SAMD12: variants seen among roughly 807,000 people sequenced by gnomAD.
The protein encoded by SAMD12 is sterile alpha motif domain-containing protein 12.
Under a neutral mutation model 15.0 loss-of-function variants are expected in SAMD12, and 9 were observed. The observed-to-expected ratio is 0.60, with a 90% confidence interval of 0.36 to 1.05. The LOEUF (loss-of-function observed/expected upper bound fraction) is 1.05, where lower values mean the gene tolerates loss of function less well. SAMD12 is among the 50% of genes least tolerant of loss of function. SAMD12 has a pLI of 0.01. For missense variants in SAMD12, 230 were observed against 234.2 expected (o/e 0.98, Z 0.12); for synonymous variants, 86 against 90.1 (o/e 0.96, Z 0.25).
chr8:118,338,895 A>T (rs1817212104), intron 4 of SAMD12, among the ~76,000 whole-genome samples: 1 of 152,232 alleles, frequency 6.6e-6, no homozygotes, highest in Non-Finnish European at 1.5e-5. Flanking sequence ...AACACTCCGT[A>T]AAATGTTGAT....
chr8:118,320,011 TA>T (rs1816148500), intron 4 of SAMD12, among the ~76,000 whole-genome samples: 1 of 152,114 alleles, frequency 6.6e-6, no homozygotes, highest in Admixed American at 6.6e-5. Flanking sequence ...TCATTACTTT[TA>T]AAAGAGAGAT....
intron 2 of SAMD12, among the ~76,000 whole-genome samples, chr8:118,558,130 A>C (rs904138688): frequency 6.6e-6 from 1 of 152,196 alleles, no homozygotes; most frequent in Non-Finnish European, 1.5e-5. Context: ...TATCTACGCA[A>C]GTGGGATCTC....
At chr8:118,394,131 C>T (rs192925961) in intron 3 of SAMD12, among the ~76,000 whole-genome samples, 16 of 152,320 alleles carry the variant, frequency 1.1e-4, no homozygotes, top group Admixed American at 3.3e-4. Context: ...GTTCCCTTTG[C>T]TCCTTAAAGA....
chr8:118,252,750 G>C (rs1812848775), intron 4 of SAMD12, among the ~76,000 whole-genome samples: 2 of 152,058 alleles, frequency 1.3e-5, no homozygotes, highest in South Asian at 4.2e-4. Context: ...GCCTATTATG[G>C]GCAGTGAGTG....
At chr8:118,567,362 T>C (rs1826880312) in intron 2 of SAMD12, among the ~76,000 whole-genome samples, 1 of 152,100 alleles carries the variant, frequency 6.6e-6, no homozygotes, top group Non-Finnish European at 1.5e-5. Context: ...CTGTCATCCA[T>C]GTGTTCTAGT....
chr8:118,600,883 G>A (rs978464622), intron 1 of SAMD12, among the ~76,000 whole-genome samples: 1 of 151,904 alleles, frequency 6.6e-6, no homozygotes, highest in Non-Finnish European at 1.5e-5. Flanking sequence ...TGAACAATGT[G>A]TTATGTTAAA....
chr8:118,474,390 T>G (rs1254174266), intron 2 of SAMD12, among the ~76,000 whole-genome samples: 1 of 151,746 alleles, frequency 6.6e-6, no homozygotes, highest in African/African-American at 2.4e-5. Flanking sequence ...AAAACAATTT[T>G]TTTTGTTTTG....
intron 2 of SAMD12, among the ~76,000 whole-genome samples, chr8:118,542,333 C>A (rs1826008515): frequency 6.6e-6 from 1 of 152,034 alleles, no homozygotes; most frequent in African/African-American, 2.4e-5. Context: ...ATTAATTTTC[C>A]AAATAGTATT....
the SAMD12 span, among the ~76,000 whole-genome samples, chr8:118,132,229 C>A: frequency 6.6e-5 from 10 of 152,180 alleles, no homozygotes; most frequent in African/African-American, 2.2e-4. Context: ...TTTACTCAAG[C>A]AATTCCCCTG....
intron 2 of SAMD12, among the ~76,000 whole-genome samples, chr8:118,505,699 G>A (rs1188570765): frequency 5.9e-5 from 9 of 151,652 alleles, no homozygotes; most frequent in Middle Eastern, 6.8e-3. Context: ...TTCATATCTC[G>A]TAAGACGTTT....
At chr8:118,495,373 C>T (rs1360361413) in intron 2 of SAMD12, among the ~76,000 whole-genome samples, 1 of 152,160 alleles carries the variant, frequency 6.6e-6, no homozygotes, top group Non-Finnish European at 1.5e-5. Context: ...GTCTAAAAAA[C>T]AGTTCCAAAT....
intron 2 of SAMD12, among the ~76,000 whole-genome samples, chr8:118,464,839 A>G (rs1299955882): frequency 6.6e-6 from 1 of 152,160 alleles, no homozygotes; most frequent in Admixed American, 6.5e-5. Flanking sequence ...TTATCCCACC[A>G]TAAGAAACAG....
intron 4 of SAMD12, among the ~76,000 whole-genome samples, chr8:118,342,364 A>T (rs1817419226): frequency 1.3e-5 from 2 of 152,188 alleles, no homozygotes. Flanking sequence ...TTAAAATAAC[A>T]ATCTTAAAAG....
chr8:118,610,739 C>A (rs1828089317), intron 1 of SAMD12, among the ~76,000 whole-genome samples: 1 of 152,162 alleles, frequency 6.6e-6, no homozygotes, highest in South Asian at 2.1e-4. Flanking sequence ...GCTCATGGAC[C>A]AGAGATTACT....
At chr8:118,523,143 C>G in intron 2 of SAMD12, among the ~76,000 whole-genome samples, 1 of 152,136 alleles carries the variant, frequency 6.6e-6, no homozygotes, top group Non-Finnish European at 1.5e-5. Flanking sequence ...CACTGTGATG[C>G]ACAAAAGTTT....
chr8:118,494,226 T>G (rs775773896), intron 2 of SAMD12, among the ~76,000 whole-genome samples: 2 of 152,170 alleles, frequency 1.3e-5, no homozygotes, highest in Non-Finnish European at 2.9e-5. Context: ...AGCAGTCAAT[T>G]TTTTCTCCAG....
the SAMD12 span, among the ~76,000 whole-genome samples, chr8:118,145,403 A>G: frequency 6.6e-6 from 1 of 152,264 alleles, no homozygotes. Context: ...ATATAAGATC[A>G]AAACATCATT....
At chr8:118,201,781 C>T (rs1438773825) in intron 4 of SAMD12, among the ~76,000 whole-genome samples, 1 of 152,174 alleles carries the variant, frequency 6.6e-6, no homozygotes, top group Non-Finnish European at 1.5e-5. Context: ...TGGGGGCTGT[C>T]CATGTATGGA....
intron 2 of SAMD12, among the ~76,000 whole-genome samples, chr8:118,463,805 A>G (rs2130944499): frequency 6.6e-6 from 1 of 151,964 alleles, no homozygotes; most frequent in South Asian, 2.1e-4. Flanking sequence ...GGGGGATCAG[A>G]CGGCCTTCAG....
Sources: allele counts gnomAD v4.1 joint callset (sites outside exome capture counted in the v4.1 genomes callset), GRCh38; gene constraint gnomAD v4.1.1; transcripts MANE v1.5; gene names NCBI Gene and HGNC (gene_info 2026-07-23, HGNC 2026-07-21).